Variants in C1QTNF1 observed in about 807,000 individuals in gnomAD.
The protein encoded by C1QTNF1 is C1q and TNF related 1.
In C1QTNF1, 22 loss-of-function variants were observed where a neutral mutation model predicts 27.8. That is an observed-to-expected ratio of 0.79 (90% CI 0.56 to 1.13). The LOEUF is 1.13. C1QTNF1 is among the 50% of genes most tolerant of loss of function. The pLI is 0.00. For synonymous variants in C1QTNF1, 166 were observed against 154.3 expected (o/e 1.08, Z -0.56); for missense variants, 373 against 380.2 (o/e 0.98, Z 0.16).
chr17:79,032,793 G>T (rs527453650), intron 1 of C1QTNF1, among the ~76,000 whole-genome samples: 2 of 152,112 alleles, frequency 1.3e-5, no homozygotes, highest in South Asian at 4.1e-4. Context: ...GCAGCCTGGT[G>T]CGGTGGCTCA....
chr17:79,037,076 A>G (rs2072280371), intron 1 of C1QTNF1, among the ~76,000 whole-genome samples: 1 of 152,230 alleles, frequency 6.6e-6, no homozygotes, highest in Non-Finnish European at 1.5e-5. Context: ...AAACAAAAAT[A>G]TAACAGGACC....
intron 1 of C1QTNF1, among the ~76,000 whole-genome samples, chr17:79,037,991 T>C (rs1264987433): frequency 1.3e-5 from 2 of 150,152 alleles, no homozygotes; most frequent in African/African-American, 5.0e-5. Context: ...AATTTTTTTC[T>C]TTTTCTTTTT....
At chr17:79,039,783 ATGTG>A (rs35243048) in intron 1 of C1QTNF1, among the ~76,000 whole-genome samples, 1 of 151,050 alleles carries the variant, frequency 6.6e-6, no homozygotes, top group South Asian at 2.1e-4. Flanking sequence ...TTAAATAAAT[ATGTG>A]TGTGTGTGTG....
In C1QTNF1 at chr17:79,048,892, T is replaced by C. The variant is rs2072676456; in HGVS notation, c.*804T>C. The C allele has an allele frequency of 1.3e-5, 2 of 152,142 alleles. No homozygotes were observed. Among genetic ancestry groups the C allele is most frequent in the Non-Finnish European group, 2.9e-5 (2 of 68,022 alleles). The allele number at this position is 152,142 out of a possible 1,614,324, so 9.4% of individuals were successfully genotyped here. On this transcript the variant is annotated 3_prime_UTR_variant, in exon 4 of 4. Coordinates refer to ENST00000579760, the MANE Select transcript of C1QTNF1 (RefSeq NM_030968.5). The stretch of plus-strand genomic sequence containing the variant: ...CAGATGTTTCTATGAGGGGCAGAGC[T>C]CCTGGTACATCCATGTGTGGCTCTG...
chr17:79,028,936 T>C (rs957306512), intron 1 of C1QTNF1, among the ~76,000 whole-genome samples: 1 of 151,934 alleles, frequency 6.6e-6, no homozygotes, highest in African/African-American at 2.4e-5. Flanking sequence ...GTGTTCCTGG[T>C]GATCCTGTGC....
chr17:79,041,114 C>G (rs1253673083), intron 1 of C1QTNF1, among the ~76,000 whole-genome samples: 1 of 152,152 alleles, frequency 6.6e-6, no homozygotes, highest in Admixed American at 6.5e-5. Flanking sequence ...ACCATGTGCA[C>G]ATACACCCTT....
At chr17:79,038,136 C>T (rs761279313) in intron 1 of C1QTNF1, among the ~76,000 whole-genome samples, 2 of 151,848 alleles carry the variant, frequency 1.3e-5, no homozygotes, top group Admixed American at 6.6e-5. Context: ...ACTACAGGTG[C>T]ACCCCACCAC....
At chr17:79,029,753 C>T (rs1014911566) in intron 1 of C1QTNF1, among the ~76,000 whole-genome samples, 2 of 152,208 alleles carry the variant, frequency 1.3e-5, no homozygotes, top group Admixed American at 6.5e-5. Context: ...TGCTAGGAAA[C>T]GGGTTCTCTC....
chr17:79,038,580 G>A (rs1409837341), intron 1 of C1QTNF1, among the ~76,000 whole-genome samples: 4 of 152,194 alleles, frequency 2.6e-5, no homozygotes, highest in Admixed American at 6.5e-5. Context: ...AGTCATGCTG[G>A]AACTGTCTTC....
At chr17:79,032,936 T>C (rs9747267) in intron 1 of C1QTNF1, among the ~76,000 whole-genome samples, 26,088 of 151,676 alleles carry the variant, frequency 0.17, 3,096 homozygotes, top group African/African-American at 0.34. Context: ...GGCGTGGTGG[T>C]GGGCACCTGT....
intron 1 of C1QTNF1, among the ~76,000 whole-genome samples, chr17:79,043,139 T>C (rs1018722533): frequency 4.2e-5 from 6 of 143,534 alleles, no homozygotes; most frequent in African/African-American, 1.7e-4. Context: ...GTGTGCATGT[T>C]GGATTGCATG....
rs1014577861 is a variant in C1QTNF1, at chr17:79,047,548, T to C, written c.306T>C (p.Gly102=). ...INITILKGEK[G]DRGDRGLQGK... The stretch of plus-strand genomic sequence containing the variant: ...TCCCATCCCTTTTAGGGGAGAAGGG[T>C]GACCGCGGAGATCGAGGCCTCCAAG... Residue 102 remains glycine (G), a synonymous_variant, in exon 4 of 4, where the codon GGT becomes GGC. Coordinates refer to ENST00000579760, the MANE Select transcript of C1QTNF1 (RefSeq NM_030968.5). The C allele has an allele frequency of 3.3e-6, 5 of 1,525,680 alleles. No homozygotes were observed. In the Admixed American group the frequency reaches 6.5e-5, roughly 20 times the overall value. 94.5% of individuals were successfully genotyped at this position (1,525,680 alleles called of 1,614,324 possible).
In C1QTNF1 at chr17:79,046,735, C is replaced by T. The variant is rs752079631; in HGVS notation, c.295+41C>T. ...AGACAAGCACGGGGTGGCCGGGCTG[C>T]TCTGTGCTGATCCGGAGGAAGGGAT... is the stretch of plus-strand genomic sequence containing the variant. On this transcript the variant is annotated intron_variant, in intron 3 of 3. Transcript: ENST00000579760. This position sits in a 1 kb window ranked among gnomAD's most constrained non-coding sequence, Gnocchi z 4.8. The T allele has an allele frequency of 6.2e-7, 1 of 1,612,434 alleles. No individual in the cohort carries two copies. The highest frequency in any genetic ancestry group is 8.5e-7 in the Non-Finnish European group (1 of 1,179,034).
chr17:79,046,577 T>C lies in C1QTNF1; in HGVS notation c.178T>C (p.Tyr60His). Reference sequence around the variant, plus strand: ...CAGGGCTGAAGAACAACATGAAAAATACAGGCCCAGTCAGGACCAGGGGCT... The same window carrying C: ...CAGGGCTGAAGAACAACATGAAAAACACAGGCCCAGTCAGGACCAGGGGCT... ...AERAEEQHEK[Y>H]RPSQDQGLPA... Residue 60 changes from tyrosine (Y) to histidine (H), a missense_variant, in exon 3 of 4, where the codon TAC becomes CAC. By Grantham distance (83) the Tyr-to-His change is moderately conservative. Coordinates refer to ENST00000579760, the MANE Select transcript of C1QTNF1 (RefSeq NM_030968.5). This position sits in a 1 kb window ranked among gnomAD's most constrained non-coding sequence, Gnocchi z 4.8. 1.9e-6 allele frequency: 3 copies of C among 1,614,112 alleles called. No homozygotes were observed. Among genetic ancestry groups the C allele is most frequent in the Non-Finnish European group, 2.5e-6 (3 of 1,180,012 alleles).
Position 79,046,873 on chromosome 17 carries a change from C to G in C1QTNF1, c.295+179C>G, listed in dbSNP as rs1267712701. 3.8e-6 allele frequency: 3 copies of G among 796,866 alleles called. No homozygotes were observed. The highest frequency in any genetic ancestry group is 5.8e-6 in the Non-Finnish European group (3 of 521,382). 49.4% of individuals were successfully genotyped at this position (796,866 alleles called of 1,614,324 possible). ...GGCACAGGAAATTCTGATTTTGAGG[C>G]TCTGGCCCCTCTCCAAGAGGAGGGG... is the stretch of plus-strand genomic sequence containing the variant. On this transcript the variant is annotated intron_variant, in intron 3 of 3. Coordinates refer to ENST00000579760, the MANE Select transcript of C1QTNF1 (RefSeq NM_030968.5). This position sits in a 1 kb window ranked among gnomAD's most constrained non-coding sequence, Gnocchi z 4.8.
At position 79,048,058 on chromosome 17, in the gene C1QTNF1, C is replaced by T. The variant is rs760469864; in HGVS notation, c.816C>T (p.Gly272=). ...TGGACACCTACATCACCTTCAGTGG[C>T]TACCTGGTCAAGCACGCCACCGAGC... ...EELDTYITFS[G]YLVKHATEP The change falls in exon 4 of 4, where the codon GGC becomes GGT. Residue 272 remains glycine, a synonymous_variant. Transcript: ENST00000579760. 3.2e-6 allele frequency: 5 copies of T among 1,579,424 alleles called. No individual in the cohort carries two copies. Among genetic ancestry groups the T allele is most frequent in the Non-Finnish European group, 4.3e-6 (5 of 1,166,370 alleles).
At chr17:79,047,238 C>CTTTTTTTTCTTTTCTTTTT (rs1555672722) in intron 3 of C1QTNF1, 1 of 261,830 alleles carries the variant, frequency 3.8e-6, no homozygotes, top group African/African-American at 2.5e-5. Context: ...TTTTTCTTTT[C>CTTTTTTTTCTTTTCTTTTT]TTTTTTTTTT....
At chr17:79,043,521 T>G in intron 1 of C1QTNF1, 1 of 443,778 alleles carries the variant, frequency 2.3e-6, no homozygotes, top group Admixed American at 2.4e-5. Flanking sequence ...GGTATATGTA[T>G]GCATGTGTGT....
intron 1 of C1QTNF1, among the ~76,000 whole-genome samples, chr17:79,030,485 T>TTCTTTTTCTTTC (rs1471598732): frequency 1.1e-3 from 129 of 121,854 alleles, no homozygotes; most frequent in South Asian, 2.4e-3. Flanking sequence ...CTTTCTTTCT[T>TTCTTTTTCTTTC]TTTCTTTCTT....
Sources: gnomAD v4.1 joint callset for allele counts (sites outside exome capture counted in the v4.1 genomes callset) on GRCh38, gnomAD v4.1.1 for gene constraint, Gnocchi (gnomAD v3.1) non-coding constraint, MANE v1.5 for transcripts, NCBI Gene and HGNC (gene_info 2026-07-23, HGNC 2026-07-21) for gene names.